Variants in ADGRL2 observed in about 807,000 individuals in gnomAD.
The protein encoded by ADGRL2 is calcium-independent alpha-latrotoxin receptor 2.
A neutral mutation model predicts 157.4 loss-of-function variants in ADGRL2; 44 were observed. The observed-to-expected ratio is 0.28, with a 90% CI of 0.22 to 0.36. ADGRL2 has a LOEUF of 0.36. ADGRL2 is among the 10% of genes least tolerant of loss of function. The pLI is 1.00. For synonymous variants in ADGRL2, 585 were observed against 624.7 expected, an observed-to-expected ratio of 0.94 and a Z score of 0.95; for missense variants, 1,510 against 1,768.9, an observed-to-expected ratio of 0.85 and a Z score of 2.63.
chr1:81,925,372 A>G (rs1226179606), intron 3 of ADGRL2, among the ~76,000 whole-genome samples: 2 of 152,068 alleles, frequency 1.3e-5, no homozygotes, highest in Admixed American at 6.6e-5. Context: ...CAAATATTTT[A>G]CTGCCAAAAT....
chr1:81,409,891 G>A (rs2076919329), intron 1 of ADGRL2, among the ~76,000 whole-genome samples: 1 of 152,118 alleles, frequency 6.6e-6, no homozygotes, highest in South Asian at 2.1e-4. Context: ...TGCCCTTTTA[G>A]CCCCTGCCTT....
intron 2 of ADGRL2, among the ~76,000 whole-genome samples, chr1:81,777,199 T>TA (rs1187970417): frequency 9.2e-5 from 14 of 152,364 alleles, no homozygotes; most frequent in African/African-American, 3.4e-4. Context: ...CAATTTGAAA[T>TA]AGAGTTAGAT....
chr1:81,754,312 C>T (rs946092137), intron 1 of ADGRL2, among the ~76,000 whole-genome samples: 1 of 149,834 alleles, frequency 6.7e-6, no homozygotes, highest in Non-Finnish European at 1.5e-5. Context: ...CATAGACATA[C>T]TAATTTCTTT....
chr1:81,479,495 A>G (rs1234251892), intron 2 of ADGRL2, among the ~76,000 whole-genome samples: 4 of 152,250 alleles, frequency 2.6e-5, no homozygotes, highest in South Asian at 2.1e-4. Flanking sequence ...ATAAAAAAAA[A>G]GAAATTTCTT....
At chr1:81,699,221 A>T (rs532234798), upstream of ADGRL2, among the ~76,000 whole-genome samples, 5 of 152,362 alleles carry the variant, frequency 3.3e-5, no homozygotes, top group South Asian at 1.0e-3. Flanking sequence ...AAATAAAGCT[A>T]TATTTTTAAG....
At chr1:81,883,661 A>G (rs2094046035) in intron 2 of ADGRL2, among the ~76,000 whole-genome samples, 1 of 152,134 alleles carries the variant, frequency 6.6e-6, no homozygotes, top group Non-Finnish European at 1.5e-5. Context: ...TTTGTTTTAC[A>G]TCCTCGTCTT....
intron 1 of ADGRL2, among the ~76,000 whole-genome samples, chr1:81,721,417 TTG>T (rs1410380920): frequency 4.6e-5 from 7 of 152,170 alleles, no homozygotes; most frequent in Admixed American, 4.6e-4. Context: ...CCGACCCAAA[TTG>T]ATCTTGAACA....
At chr1:81,768,955 T>C (rs1329943769) in intron 2 of ADGRL2, among the ~76,000 whole-genome samples, 1 of 152,026 alleles carries the variant, frequency 6.6e-6, no homozygotes, top group Non-Finnish European at 1.5e-5. Flanking sequence ...CGCACTGGTG[T>C]GCACCTGTAA....
chr1:81,975,162 A>AT (rs1166224179), intron 17 of ADGRL2, among the ~76,000 whole-genome samples: 2 of 152,068 alleles, frequency 1.3e-5, no homozygotes, highest in East Asian at 3.9e-4. Context: ...AGAATTAATT[A>AT]TTAGCATGGA....
chr1:81,513,979 C>G (rs1471485500), intron 2 of ADGRL2: 1 of 152,128 alleles, frequency 6.6e-6, no homozygotes, highest in Non-Finnish European at 1.5e-5. Flanking sequence ...CAGGTGTGAA[C>G]TGTTGAGACA....
At chr1:81,878,492 T>C (rs1029358158) in intron 2 of ADGRL2, among the ~76,000 whole-genome samples, 2 of 152,122 alleles carry the variant, frequency 1.3e-5, no homozygotes, top group African/African-American at 4.8e-5. Flanking sequence ...AACCTGTTAG[T>C]TTCAGTTGTT....
chr1:81,359,853 G>T (rs2075947558), intron 1 of ADGRL2, among the ~76,000 whole-genome samples: 1 of 151,806 alleles, frequency 6.6e-6, no homozygotes, highest in Non-Finnish European at 1.5e-5. Flanking sequence ...AGCTATCCTA[G>T]ATTCTTCTCT....
intron 1 of ADGRL2, among the ~76,000 whole-genome samples, chr1:81,752,346 A>C (rs1480096798): frequency 6.6e-6 from 1 of 152,222 alleles, no homozygotes; most frequent in African/African-American, 2.4e-5. Flanking sequence ...ACATTTTGTT[A>C]TAGCAGCCCA....
At chr1:81,465,768 A>G (rs531506650) in intron 2 of ADGRL2, among the ~76,000 whole-genome samples, 1 of 152,320 alleles carries the variant, frequency 6.6e-6, no homozygotes, top group African/African-American at 2.4e-5. Flanking sequence ...AGTACTAAAG[A>G]ATAAATGGTA....
At chr1:81,477,300 C>G (rs2078292977) in intron 2 of ADGRL2, among the ~76,000 whole-genome samples, 1 of 152,186 alleles carries the variant, frequency 6.6e-6, no homozygotes, top group South Asian at 2.1e-4. Context: ...CAGAATTACT[C>G]CTAACACCTG....
intron 1 of ADGRL2, among the ~76,000 whole-genome samples, chr1:81,343,483 C>T (rs1279534092): frequency 6.6e-6 from 1 of 152,172 alleles, no homozygotes; most frequent in African/African-American, 2.4e-5. Context: ...GCACAGAATT[C>T]AGAACTATCA....
chr1:81,626,014 T>G (rs988899316), intron 3 of ADGRL2, among the ~76,000 whole-genome samples: 23 of 152,150 alleles, frequency 1.5e-4, no homozygotes, highest in Admixed American at 6.5e-5. Context: ...ATATTTTTCC[T>G]CCGCGACACA....
intron 2 of ADGRL2, among the ~76,000 whole-genome samples, chr1:81,534,015 T>C (rs1034053780): frequency 4.6e-5 from 7 of 152,174 alleles, no homozygotes; most frequent in African/African-American, 1.7e-4. Context: ...ACAATCTCCT[T>C]TTCTAGACTA....
In ADGRL2 at chr1:81,547,314, G is replaced by A. The variant is rs548684990; in HGVS notation, c.-247-33562G>A. ...GTTAAGCAGAAGGAACCTGTAAAGC[G>A]ATAGCTTCTCATCCTCTTGAAGGAG... On this transcript the variant is annotated intron_variant, in intron 2 of 24. Coordinates refer to the ADGRL2 transcript ENST00000370721. Among the ~76,000 whole-genome samples the A allele has an allele frequency of 1.8e-3, 271 of 152,240 alleles. 2 individuals are homozygous for A. The highest frequency in any genetic ancestry group is 6.0e-3 in the African/African-American group (249 of 41,550).
Sources: allele counts gnomAD v4.1 joint callset (sites outside exome capture counted in the v4.1 genomes callset), GRCh38; gene constraint gnomAD v4.1.1; transcripts MANE v1.5; gene names NCBI Gene and HGNC (gene_info 2026-07-23, HGNC 2026-07-21).